The following FANCA variants were observed in gnomAD, a reference collection of about 807,000 sequenced individuals.
The protein encoded by FANCA is FA complementation group A.
A neutral mutation model predicts 194.3 loss-of-function variants in FANCA; 236 were observed. That is an observed-to-expected ratio of 1.21 (90% CI 1.09 to 1.35). The LOEUF (loss-of-function observed/expected upper bound fraction) is 1.35, where lower values mean the gene tolerates loss of function less well. Among genes scored for constraint, FANCA ranks in the 40% most tolerant of loss-of-function variants. The probability of loss-of-function intolerance (pLI) is 0.00; values close to 1 mark genes in which losing one functional copy is unlikely to be tolerated. For synonymous variants in FANCA, 1,014 were observed against 715.8 expected, an observed-to-expected ratio of 1.42 and a Z score of -6.65; for missense variants, 2,628 against 1,813.9, an observed-to-expected ratio of 1.45 and a Z score of -8.15.
rs530717014 is a variant in FANCA, at chr16:89,765,900, T to C, written c.2602-834A>G. Reference sequence around the variant, plus strand: ...ATCCTCAGGGGCTGCTCCCAGATTCTGACTTAATTTATCTGGAAAGGGGCC... The same window carrying C: ...ATCCTCAGGGGCTGCTCCCAGATTCCGACTTAATTTATCTGGAAAGGGGCC... On this transcript the variant is annotated intron_variant, in intron 27 of 42. Transcript: ENST00000389301. Among the ~76,000 whole-genome samples the C allele has an allele frequency of 8.2e-4, 125 of 152,344 alleles. 1 individual carries two copies. Among genetic ancestry groups the C allele is most frequent in the Non-Finnish European group, 1.4e-3 (94 of 68,026 alleles).
chr16:89,762,298 C>G (rs1408273894), intron 28 of FANCA, among the ~76,000 whole-genome samples: 1 of 152,144 alleles, frequency 6.6e-6, no homozygotes, highest in Non-Finnish European at 1.5e-5. Flanking sequence ...AAGACCTCAT[C>G]TCATTTAAAA....
chr16:89,815,993 A>G lies in FANCA; in HGVS notation c.80-7T>C. On this transcript the variant is annotated splice_region_variant and splice_polypyrimidine_tract_variant and intron_variant, in intron 1 of 42. Coordinates refer to ENST00000389301, the MANE Select transcript of FANCA (RefSeq NM_000135.4). Reference sequence around the variant, plus strand: ...TCCCTCTTGACCCTTCCCGCTACGGAGAGAAGTCGGTTCGAAACCATCACA... The same window carrying G: ...TCCCTCTTGACCCTTCCCGCTACGGGGAGAAGTCGGTTCGAAACCATCACA... 1 of 1,607,872 alleles carries G rather than the reference A, an allele frequency of 6.2e-7. No individual in the cohort carries two copies. The highest frequency in any genetic ancestry group is 8.5e-7 in the Non-Finnish European group (1 of 1,174,448).
At chr16:89,775,288 A>AGCTGCACC (rs1231594093) in intron 21 of FANCA, among the ~76,000 whole-genome samples, 1 of 152,208 alleles carries the variant, frequency 6.6e-6, no homozygotes, top group East Asian at 1.9e-4. Flanking sequence ...TCTGACCGAC[A>AGCTGCACC]GCTGCACCAC....
At chr16:89,772,285 C>T (rs1373627532) in intron 22 of FANCA, among the ~76,000 whole-genome samples, 1 of 152,232 alleles carries the variant, frequency 6.6e-6, no homozygotes, top group African/African-American at 2.4e-5. Flanking sequence ...AACTTTTCCT[C>T]CATGTCCCCC....
chr16:89,791,023 GTTTTT>G (rs11355118), intron 14 of FANCA: 207 of 94,484 alleles, frequency 2.2e-3, no homozygotes, highest in Middle Eastern at 6.3e-3. Flanking sequence ...GTGTGTGTGT[GTTTTT>G]TTTTTTTTTT....
intron 35 of FANCA, 76 bp downstream of exon 35, chr16:89,746,508 G>A (rs1427346178): frequency 8.7e-7 from 1 of 1,152,678 alleles, no homozygotes; most frequent in Admixed American, 1.7e-5. Flanking sequence ...GAGACGTGCT[G>A]CAGAGATGCC....
chr16:89,791,585 G>T, intron 13 of FANCA, 49 bp from the exon 14 acceptor site: 1 of 1,610,700 alleles, frequency 6.2e-7, no homozygotes, highest in South Asian at 1.1e-5. Flanking sequence ...GCAGCCAGCA[G>T]GAACATGACG....
chr16:89,741,727 G>T (rs557456881), intron 37 of FANCA, among the ~76,000 whole-genome samples: 1 of 152,232 alleles, frequency 6.6e-6, no homozygotes, highest in East Asian at 1.9e-4. Context: ...GCTGCAGACG[G>T]TCCCATCCTT....
chr16:89,795,402 C>T (rs969436574), intron 11 of FANCA, among the ~76,000 whole-genome samples: 1 of 151,972 alleles, frequency 6.6e-6, no homozygotes, highest in Non-Finnish European at 1.5e-5. Context: ...TCTGGGAAGC[C>T]AAGGCAGGTG....
chr16:89,776,153 G>GT (rs908520331), intron 20 of FANCA, among the ~76,000 whole-genome samples: 6 of 91,776 alleles, frequency 6.5e-5, no homozygotes, highest in South Asian at 3.7e-4. Flanking sequence ...ACGAATCTTT[G>GT]TTTTTCTTTT....
intron 27 of FANCA, among the ~76,000 whole-genome samples, chr16:89,765,763 G>A (rs558818827): frequency 6.6e-6 from 1 of 152,214 alleles, no homozygotes; most frequent in Non-Finnish European, 1.5e-5. Context: ...TCAGCATGCT[G>A]GGTGGGAACC....
chr16:89,738,033 C>T lies in FANCA; in HGVS notation c.*568G>A, dbSNP rs764278170. On this transcript the variant is annotated 3_prime_UTR_variant, in exon 43 of 43. Coordinates refer to ENST00000389301, the MANE Select transcript of FANCA (RefSeq NM_000135.4). ...GGGCATCCCTCAAGTACCACATGAC[C>T]AAACACAAGGCTGAGACTGAGCTGG... The T allele has an allele frequency of 8.7e-6, 14 of 1,614,034 alleles. No individual in the cohort carries two copies. The African/African-American group carries it at 1.7e-4, about 20-fold the overall frequency.
intron 35 of FANCA, among the ~76,000 whole-genome samples, chr16:89,746,028 G>A (rs1031922761): frequency 6.6e-6 from 1 of 152,202 alleles, no homozygotes; most frequent in African/African-American, 2.4e-5. Context: ...GAGAAGGAAG[G>A]GCGACAGCTG....
chr16:89,742,423 G>C (rs113782771), intron 37 of FANCA, among the ~76,000 whole-genome samples: 4,391 of 152,108 alleles, frequency 0.029, 233 homozygotes, highest in African/African-American at 0.1. Flanking sequence ...CTGCACTCCA[G>C]CCTGGGCGAC....
Position 89,774,674 on chromosome 16 carries a change from G to A in FANCA, c.1900+1068C>T, listed in dbSNP as rs542287774. Among the ~76,000 whole-genome samples, 18 of 142,688 alleles carry A rather than the reference G, an allele frequency of 1.3e-4. 1 individual carries two copies. Among genetic ancestry groups the A allele is most frequent in the South Asian group, 4.5e-4 (2 of 4,398 alleles). The allele number at this position is 142,688 out of a possible 152,430, so 93.6% of individuals were successfully genotyped here. On this transcript the variant is annotated intron_variant, in intron 21 of 42. Transcript: ENST00000389301. ...GAACCTGGGAGGCGGAGCTTACAGC[G>A]AGCTGAGATTGCGCCACTGCACTCC...
intron 14 of FANCA, among the ~76,000 whole-genome samples, chr16:89,787,521 A>G (rs1271451150): frequency 6.6e-6 from 1 of 152,044 alleles, no homozygotes; most frequent in East Asian, 1.9e-4. Context: ...CTCCATCTTA[A>G]AAAAACAAAA....
chr16:89,808,482 T>C, intron 5 of FANCA, 115 bp from the exon 6 acceptor site: 1 of 1,067,386 alleles, frequency 9.4e-7, no homozygotes, highest in African/African-American at 1.6e-5. Context: ...AACCATGCCG[T>C]ATTGAAAATT....
At position 89,749,722 on chromosome 16, in the gene FANCA, GGT is replaced by G; in HGVS notation, c.3239+6_3239+7del. ...GTGCTGCCCTGCCCAGGTGGTAGTAGGTGTTACCGTTTGTACATTAGCAGCTC... is the reference window on the plus strand; with the variant it reads ...GTGCTGCCCTGCCCAGGTGGTAGTAGGTTACCGTTTGTACATTAGCAGCTC... On this transcript the variant is annotated splice_donor_region_variant and intron_variant, in intron 32 of 42. Coordinates refer to ENST00000389301, the MANE Select transcript of FANCA (RefSeq NM_000135.4). 1 of 1,612,822 alleles carries G rather than the reference GGT, an allele frequency of 6.2e-7. No homozygotes were observed. The highest frequency in any genetic ancestry group is 8.5e-7 in the Non-Finnish European group (1 of 1,179,378).
At chr16:89,768,581 G>C (rs573096487) in intron 26 of FANCA, among the ~76,000 whole-genome samples, 2 of 152,038 alleles carry the variant, frequency 1.3e-5, no homozygotes, top group African/African-American at 4.8e-5. Flanking sequence ...GCTTGAACCC[G>C]GGAGGCGGAG....
Sources: gnomAD v4.1 joint callset for allele counts (sites outside exome capture counted in the v4.1 genomes callset) on GRCh38, gnomAD v4.1.1 for gene constraint, MANE v1.5 for transcripts, NCBI Gene and HGNC (gene_info 2026-07-23, HGNC 2026-07-21) for gene names.